The following ATP10B variants were observed in gnomAD, a reference collection of about 807,000 sequenced individuals.
The protein encoded by ATP10B is ATPase phospholipid transporting 10B (putative), also known as phospholipid-transporting ATPase VB.
ATP10B carries 122 observed loss-of-function variants against 141.2 expected under a neutral mutation model. The observed-to-expected ratio is 0.86, with a 90% CI of 0.75 to 1.00. The LOEUF (loss-of-function observed/expected upper bound fraction) is 1.00, where lower values mean the gene tolerates loss of function less well. Ranked by LOEUF, ATP10B falls within the 50% of genes least tolerant of loss-of-function variation. The pLI is 0.00. For missense variants in ATP10B, 1,876 were observed against 1,825.3 expected, an observed-to-expected ratio of 1.03 and a Z score of -0.51; for synonymous variants, 685 against 692.0, an observed-to-expected ratio of 0.99 and a Z score of 0.16.
At chr5:160,727,071 T>C (rs1002475466) in intron 2 of ATP10B, among the ~76,000 whole-genome samples, 1 of 152,192 alleles carries the variant, frequency 6.6e-6, no homozygotes, top group Non-Finnish European at 1.5e-5. Flanking sequence ...CTGACCACCT[T>C]GGGCACATGT....
rs1353586043 is a variant in ATP10B, at chr5:160,565,786, G to A, written c.4053C>T (p.Ser1351=). ...KRNLEIQSWR[S]RQRPAPVPEV... is the part of the protein sequence containing the mutation. ...CGGGGACAGGGGCAGGCCTCTGTCT[G>A]CTTCTCCAACTCTGGATTTCCAGGT... Residue 1351 remains serine (S), a synonymous_variant, in exon 26 of 26, where the codon AGC becomes AGT. Transcript: ENST00000327245. The A allele has an allele frequency of 6.2e-7, 1 of 1,614,116 alleles. No homozygotes were observed. Among genetic ancestry groups the A allele is most frequent in the Non-Finnish European group, 8.5e-7 (1 of 1,179,984 alleles).
chr5:160,783,573 A>ACC (rs986782618), intron 2 of ATP10B, among the ~76,000 whole-genome samples: 1 of 124,740 alleles, frequency 8.0e-6, no homozygotes, highest in Non-Finnish European at 1.7e-5. Flanking sequence ...ACACACACAC[A>ACC]CACACACACA....
the ATP10B span, among the ~76,000 whole-genome samples, chr5:160,907,403 T>C: frequency 2.1e-3 from 322 of 152,130 alleles, no homozygotes; most frequent in Non-Finnish European, 3.1e-3. Context: ...TTGAGATAGG[T>C]TCTGTTGCCC....
the ATP10B span, among the ~76,000 whole-genome samples, chr5:160,882,757 A>G: frequency 6.6e-5 from 10 of 152,164 alleles, no homozygotes; most frequent in Non-Finnish European, 2.9e-5. Context: ...AAAACAAGTT[A>G]AGAATAATGA....
chr5:160,716,761 C>A, intron 3 of ATP10B, 148 bp downstream of exon 3: 1 of 437,330 alleles, frequency 2.3e-6, no homozygotes, highest in African/African-American at 2.1e-5. Context: ...TCCTGCGGGA[C>A]CCCGTTTTTT....
chr5:160,704,098 T>A (rs899011886), intron 3 of ATP10B, among the ~76,000 whole-genome samples: 1 of 152,066 alleles, frequency 6.6e-6, no homozygotes, highest in African/African-American at 2.4e-5. Flanking sequence ...CACCTCAGCC[T>A]CTTTAGTAAC....
intron 1 of ATP10B, among the ~76,000 whole-genome samples, chr5:160,830,923 C>T (rs1253025261): frequency 1.3e-5 from 2 of 150,840 alleles, no homozygotes; most frequent in Admixed American, 6.7e-5. Context: ...ATCCCTGTTT[C>T]TGTATGCCTC....
chr5:160,669,653 C>A (rs1423943878), intron 7 of ATP10B, among the ~76,000 whole-genome samples: 1 of 144,090 alleles, frequency 6.9e-6, no homozygotes, highest in Non-Finnish European at 1.5e-5. Flanking sequence ...CACTTTATTG[C>A]CCAGGCTGTG....
chr5:160,828,974 G>A (rs1382057921), intron 1 of ATP10B, among the ~76,000 whole-genome samples: 24 of 141,450 alleles, frequency 1.7e-4, no homozygotes, highest in Middle Eastern at 3.5e-3. Context: ...ACCAAACACC[G>A]CATGTTCTCA....
chr5:160,636,103 G>C, intron 11 of ATP10B, 79 bp downstream of exon 11: 4 of 1,474,034 alleles, frequency 2.7e-6, no homozygotes, highest in Non-Finnish European at 3.6e-6. Flanking sequence ...GGCCAGCACT[G>C]TTTTTTCTTT....
chr5:160,693,403 AACACACACACACAC>A lies in ATP10B; in HGVS notation c.-204-4474_-204-4461del, dbSNP rs3075585. On this transcript the variant is annotated intron_variant, in intron 3 of 25. Coordinates refer to ENST00000327245, the MANE Select transcript of ATP10B (RefSeq NM_025153.3). ...GGCAAGATGTTTCCATGGGTCAGAAAACACACACACACACACACACACACACACACACACACACA... is the reference window on the plus strand; with the variant it reads ...GGCAAGATGTTTCCATGGGTCAGAAAACACACACACACACACACACACACA... Among the ~76,000 whole-genome samples, 1,095 of 125,678 alleles carry A rather than the reference AACACACACACACAC, an allele frequency of 8.7e-3. 13 individuals carry two copies. The highest frequency in any genetic ancestry group is 0.03 in the African/African-American group (982 of 32,554). 82.4% of individuals were successfully genotyped at this position (125,678 alleles called of 152,430 possible). A position where few individuals can be genotyped will look rare whatever the true frequency, so the allele number is the denominator to read the frequency against.
intron 1 of ATP10B, among the ~76,000 whole-genome samples, chr5:160,815,245 T>A (rs529958901): frequency 5.3e-5 from 8 of 152,226 alleles, no homozygotes; most frequent in African/African-American, 1.9e-4. Context: ...GAAACCCATC[T>A]CATGTGCAGA....
chr5:160,744,120 C>G (rs987241064), intron 2 of ATP10B, among the ~76,000 whole-genome samples: 1 of 152,190 alleles, frequency 6.6e-6, no homozygotes, highest in Non-Finnish European at 1.5e-5. Flanking sequence ...ATTATTTACA[C>G]TGTCAGCCTC....
chr5:160,593,660 T>TG (rs1756477788), intron 22 of ATP10B, among the ~76,000 whole-genome samples: 2 of 152,118 alleles, frequency 1.3e-5, no homozygotes, highest in African/African-American at 4.8e-5. Context: ...TTAAAAACTT[T>TG]GCAAAAAATT....
At chr5:160,782,875 G>A (rs1770820310) in intron 2 of ATP10B, among the ~76,000 whole-genome samples, 1 of 151,960 alleles carries the variant, frequency 6.6e-6, no homozygotes, top group African/African-American at 2.4e-5. Flanking sequence ...TGTATAAAAG[G>A]ATCTCACTAT....
rs747024784 is a variant in ATP10B at position 160,686,245 on chromosome 5, C to A, written c.304G>T (p.Val102Leu). The stretch of plus-strand genomic sequence containing the variant: ...ATGGAGGGCATCCAGTTCAAAATCA[C>A]CAGGAACAGGAAATAGAGGTTAGCC... ...RWANLYFLFL[V>L]ILNWMPSMEV... The change falls in exon 6 of 26, where the codon GTG becomes TTG. Residue 102 changes from valine to leucine, a missense_variant. Coordinates refer to ENST00000327245, the MANE Select transcript of ATP10B (RefSeq NM_025153.3). 5 of 1,603,962 alleles carry A rather than the reference C, an allele frequency of 3.1e-6. No individual in the cohort carries two copies. The highest frequency in any genetic ancestry group is 4.3e-6 in the Non-Finnish European group (5 of 1,173,024).
upstream of ATP10B, among the ~76,000 whole-genome samples, chr5:160,854,379 A>G (rs532203306): frequency 6.6e-6 from 1 of 151,686 alleles, no homozygotes; most frequent in African/African-American, 2.4e-5. Context: ...CCCTGTGTCC[A>G]TGTGTTCTCA....
intron 1 of ATP10B, among the ~76,000 whole-genome samples, chr5:160,811,054 C>A (rs755043221): frequency 1.2e-4 from 18 of 152,188 alleles, no homozygotes; most frequent in Non-Finnish European, 2.1e-4. Flanking sequence ...GATGACATTT[C>A]TAGACACACC....
At chr5:160,595,074 A>G (rs1332454158) in intron 22 of ATP10B, among the ~76,000 whole-genome samples, 1 of 53,422 alleles carries the variant, frequency 1.9e-5, no homozygotes, top group African/African-American at 6.6e-5. Context: ...CTCCACTCCA[A>G]ATCAAGAATA....
Sources: gnomAD v4.1 joint callset for allele counts (sites outside exome capture counted in the v4.1 genomes callset) on GRCh38, gnomAD v4.1.1 for gene constraint, MANE v1.5 for transcripts, NCBI Gene and HGNC (gene_info 2026-07-23, HGNC 2026-07-21) for gene names.